The following RPTOR variants were observed in gnomAD, a reference collection of about 807,000 sequenced individuals.
RPTOR encodes the protein regulatory associated protein of MTOR complex 1, also known as regulatory-associated protein of mTOR.
A neutral mutation model predicts 169.9 loss-of-function variants in RPTOR; 21 were observed. That is an observed-to-expected ratio of 0.12 (90% CI 0.09 to 0.18). RPTOR has a LOEUF of 0.18. Ranked by LOEUF, RPTOR falls within the 10% of genes least tolerant of loss-of-function variation. RPTOR has a pLI of 1.00. For missense variants in RPTOR, 1,133 were observed against 1,855.9 expected (o/e 0.61, Z 7.16); for synonymous variants, 732 against 753.2 (o/e 0.97, Z 0.46).
intron 17 of RPTOR, among the ~76,000 whole-genome samples, chr17:80,888,054 G>A: frequency 6.6e-6 from 1 of 152,156 alleles, no homozygotes. Flanking sequence ...TTGGATGGGG[G>A]CTTACTCCCT....
intron 25 of RPTOR, 123 bp downstream of exon 25, chr17:80,940,724 G>A (rs535267341): frequency 3.2e-4 from 231 of 724,352 alleles, no homozygotes; most frequent in East Asian, 2.9e-3. Context: ...ACTGTCCCAC[G>A]ACAGACCCGC....
rs2143609395 is a variant in RPTOR, at chr17:80,820,788, A to G, written c.891-1413A>G. On this transcript the variant is annotated intron_variant, in intron 7 of 33. Transcript: ENST00000306801. This position sits in a 1 kb window ranked among gnomAD's most constrained non-coding sequence, Gnocchi z 4.1. ...TCGCCTCCAGGCCTGGGTTTCTTTT[A>G]AATGGTGGGAATCCTTCATGATGCC... 6.6e-6 allele frequency among the ~76,000 whole-genome samples: 1 copy of G among 152,224 alleles called. No homozygotes were observed. Among genetic ancestry groups the G allele is most frequent in the East Asian group, 1.9e-4 (1 of 5,176 alleles).
intron 11 of RPTOR, among the ~76,000 whole-genome samples, chr17:80,847,617 C>T (rs540193509): frequency 1.1e-3 from 162 of 152,308 alleles, no homozygotes; most frequent in African/African-American, 3.7e-3. Flanking sequence ...AGGCCCCGCC[C>T]TTTTTGGTTT....
intron 4 of RPTOR, among the ~76,000 whole-genome samples, chr17:80,725,354 C>G (rs543914497): frequency 6.6e-6 from 1 of 152,176 alleles, no homozygotes; most frequent in Non-Finnish European, 1.5e-5. Flanking sequence ...ATTTCTATTT[C>G]TTTGTTTGAA....
intron 20 of RPTOR, among the ~76,000 whole-genome samples, chr17:80,904,020 G>T (rs1485783333): frequency 6.6e-6 from 1 of 152,240 alleles, no homozygotes; most frequent in East Asian, 1.9e-4. Flanking sequence ...CCATTATGAT[G>T]TTTGTCTCGT....
intron 9 of RPTOR, among the ~76,000 whole-genome samples, chr17:80,832,084 A>G (rs553476056): frequency 6.6e-6 from 1 of 152,212 alleles, no homozygotes; most frequent in Non-Finnish European, 1.5e-5. Flanking sequence ...GCATGCAGCC[A>G]ACACCGCTCT....
intron 7 of RPTOR, among the ~76,000 whole-genome samples, chr17:80,819,098 G>A (rs899486133): frequency 6.6e-5 from 10 of 152,160 alleles, no homozygotes; most frequent in African/African-American, 1.9e-4. Context: ...GATGGTCCCT[G>A]CACTTCTTCC....
rs374497327 is a variant in RPTOR at position 80,748,073 on chromosome 17, A to G, written c.655-5937A>G. Among the ~76,000 whole-genome samples, 329 of 74,314 alleles carry G rather than the reference A, an allele frequency of 4.4e-3. 2 individuals are homozygous for G. Among genetic ancestry groups the G allele is most frequent in the Non-Finnish European group, 5.9e-3 (235 of 39,702 alleles). The allele number at this position is 74,314 out of a possible 152,430, so 48.8% of individuals were successfully genotyped here. A position where few individuals can be genotyped will look rare whatever the true frequency, so the allele number is the denominator to read the frequency against. ...GAGGACCTGTTGGGTGGATGGAGGG[A>G]CTGCGGTGTGTGTTTAGAGGCCGTG... is the stretch of plus-strand genomic sequence containing the variant. On this transcript the variant is annotated intron_variant, in intron 5 of 33. Transcript: ENST00000306801.
At chr17:80,741,272 A>T (rs534413895) in intron 5 of RPTOR, among the ~76,000 whole-genome samples, 2 of 152,236 alleles carry the variant, frequency 1.3e-5, no homozygotes, top group African/African-American at 4.8e-5. Flanking sequence ...CCTCCCTGGC[A>T]GTGTGGGGGC....
chr17:80,689,848 C>T (rs1349101192), intron 3 of RPTOR, among the ~76,000 whole-genome samples: 1 of 152,138 alleles, frequency 6.6e-6, no homozygotes, highest in Non-Finnish European at 1.5e-5. Flanking sequence ...GATAATCTTT[C>T]AGATTTTTGG....
chr17:80,926,574 A>T (rs962420617), intron 24 of RPTOR, among the ~76,000 whole-genome samples: 4 of 152,384 alleles, frequency 2.6e-5, no homozygotes, highest in African/African-American at 9.6e-5. Flanking sequence ...GTGAATAGTT[A>T]AAAAGTTATG....
In RPTOR at chr17:80,606,291, T is replaced by C. The variant is rs1331585517; in HGVS notation, c.163-19400T>C. Among the ~76,000 whole-genome samples, 7 of 148,368 alleles carry C rather than the reference T, an allele frequency of 4.7e-5. No homozygotes were observed. The East Asian group carries it at 1.4e-3, about 29-fold the overall frequency. ...TCCCAAAGTGCTGGGATTACAGGCA[T>C]GAGCCACGGTGCCTGGCCTTTTTTT... On this transcript the variant is annotated intron_variant, in intron 1 of 33. Transcript: ENST00000306801.
chr17:80,760,327 C>T (rs1230131455), intron 6 of RPTOR, among the ~76,000 whole-genome samples: 1 of 123,806 alleles, frequency 8.1e-6, no homozygotes, highest in Non-Finnish European at 1.6e-5. Flanking sequence ...TTTTTGAGAC[C>T]GAGTCTCACT....
intron 4 of RPTOR, among the ~76,000 whole-genome samples, chr17:80,710,837 C>A (rs2066183991): frequency 6.6e-6 from 1 of 152,168 alleles, no homozygotes; most frequent in African/African-American, 2.4e-5. Flanking sequence ...GCTGTCCTTG[C>A]CTAGGCGGAG....
chr17:80,794,499 C>A (rs2067081288), intron 7 of RPTOR, among the ~76,000 whole-genome samples: 1 of 152,224 alleles, frequency 6.6e-6, no homozygotes, highest in Admixed American at 6.5e-5. Flanking sequence ...TCTGGAAGAA[C>A]TGTCGGTTTC....
chr17:80,643,952 T>C, intron 3 of RPTOR, 142 bp downstream of exon 3: 4 of 638,720 alleles, frequency 6.3e-6, no homozygotes. Context: ...CTGCGTTTCG[T>C]GTGCCTGCGT....
In RPTOR at chr17:80,568,203, C is replaced by A. The variant is rs564158568; in HGVS notation, c.162+22412C>A. ...GGATTACAGGAATGAGCCACTGCAC[C>A]CAGCCCACATATTTCTGTTTCTAGG... On this transcript the variant is annotated intron_variant, in intron 1 of 33. Coordinates refer to ENST00000306801, the MANE Select transcript of RPTOR (RefSeq NM_020761.3). Among the ~76,000 whole-genome samples, 91 of 152,290 alleles carry A rather than the reference C, an allele frequency of 6.0e-4. 1 individual carries two copies. The highest frequency in any genetic ancestry group is 2.2e-3 in the African/African-American group (90 of 41,564).
intron 20 of RPTOR, among the ~76,000 whole-genome samples, chr17:80,898,312 C>T (rs1403875497): frequency 1.3e-5 from 2 of 152,204 alleles, no homozygotes; most frequent in African/African-American, 4.8e-5. Context: ...TATTCCCAAT[C>T]TGCTGCCTCT....
chr17:80,682,111 C>CG lies in RPTOR; in HGVS notation c.349-25730_349-25729insG, dbSNP rs1282080245. Among the ~76,000 whole-genome samples, 55 of 58,990 alleles carry CG rather than the reference C, an allele frequency of 9.3e-4. 1 individual carries two copies. In the East Asian group the frequency reaches 0.021, roughly 22 times the overall value. 38.7% of individuals were successfully genotyped at this position (58,990 alleles called of 152,430 possible). A position where few individuals can be genotyped will look rare whatever the true frequency, so the allele number is the denominator to read the frequency against. On this transcript the variant is annotated intron_variant, in intron 3 of 33. Coordinates refer to ENST00000306801, the MANE Select transcript of RPTOR (RefSeq NM_020761.3). The stretch of plus-strand genomic sequence containing the variant: ...GTGGTGAAAGATGTGATTAGGTCCC[C>CG]CCCCCCACCCCAAACAAAGTCTCGC...
Sources: allele counts gnomAD v4.1 joint callset (sites outside exome capture counted in the v4.1 genomes callset), GRCh38; gene constraint gnomAD v4.1.1; non-coding constraint Gnocchi (gnomAD v3.1); transcripts MANE v1.5; gene names NCBI Gene and HGNC (gene_info 2026-07-23, HGNC 2026-07-21).